Variants in DCC observed in about 807,000 individuals in gnomAD.
DCC encodes the protein netrin receptor DCC.
Under a neutral mutation model 172.5 loss-of-function variants are expected in DCC, and 58 were observed. The ratio of observed to expected loss-of-function variants is 0.34; its 90% confidence interval spans 0.27 to 0.42. The LOEUF is 0.42. Ranked by LOEUF, DCC falls within the 10% of genes least tolerant of loss-of-function variation. DCC has a pLI of 1.00. For synonymous variants in DCC, 709 were observed against 644.5 expected, an observed-to-expected ratio of 1.10 and a Z score of -1.52; for missense variants, 1,740 against 1,791.0, an observed-to-expected ratio of 0.97 and a Z score of 0.51.
chr18:53,205,159 CA>C, intron 9 of DCC, 56 bp from the exon 10 acceptor site: 1 of 1,440,468 alleles, frequency 6.9e-7, no homozygotes, highest in Non-Finnish European at 9.8e-7. Flanking sequence ...GTTTTGAGAA[CA>C]AAAACCCACT....
At chr18:52,718,395 A>G (rs1708312747) in intron 1 of DCC, among the ~76,000 whole-genome samples, 1 of 152,220 alleles carries the variant, frequency 6.6e-6, no homozygotes, top group African/African-American at 2.4e-5. Flanking sequence ...ATTTGGTTTA[A>G]GGATGACAGG....
At chr18:52,789,115 C>A (rs1177858476) in intron 2 of DCC, among the ~76,000 whole-genome samples, 1 of 152,152 alleles carries the variant, frequency 6.6e-6, no homozygotes, top group Non-Finnish European at 1.5e-5. Context: ...ATTCCCCACA[C>A]TAAAGCTCTA....
intron 5 of DCC, among the ~76,000 whole-genome samples, chr18:52,985,625 C>G (rs1250143458): frequency 6.6e-6 from 1 of 152,000 alleles, no homozygotes. Context: ...TCTTTTAACT[C>G]ATTTTTTTCT....
intron 16 of DCC, among the ~76,000 whole-genome samples, chr18:53,387,497 A>C (rs948376367): frequency 6.6e-6 from 1 of 152,238 alleles, no homozygotes; most frequent in Non-Finnish European, 1.5e-5. Context: ...AAAGGGGTTC[A>C]TGACTTCTCT....
chr18:52,968,434 G>A (rs1408506716), intron 5 of DCC, among the ~76,000 whole-genome samples: 1 of 152,090 alleles, frequency 6.6e-6, no homozygotes, highest in East Asian at 1.9e-4. Context: ...GGGTGCAGAG[G>A]GAGCAGCTGT....
intron 2 of DCC, among the ~76,000 whole-genome samples, chr18:52,837,432 C>T (rs908736978): frequency 4.6e-5 from 7 of 152,128 alleles, no homozygotes; most frequent in Non-Finnish European, 1.0e-4. Context: ...CTGCCAGATA[C>T]CCTAAAATCA....
intron 1 of DCC, among the ~76,000 whole-genome samples, chr18:52,743,668 G>T (rs2036860792): frequency 6.6e-6 from 1 of 152,166 alleles, no homozygotes; most frequent in Non-Finnish European, 1.5e-5. Flanking sequence ...AAAAACCTCA[G>T]ATCTCTGCAA....
At chr18:52,654,701 G>T (rs1314587578) in intron 1 of DCC, among the ~76,000 whole-genome samples, 1 of 152,026 alleles carries the variant, frequency 6.6e-6, no homozygotes, top group Non-Finnish European at 1.5e-5. Context: ...CTAGGTACTG[G>T]GGGTTAGGAC....
At chr18:53,340,127 G>A (rs535094105) in intron 15 of DCC, among the ~76,000 whole-genome samples, 5 of 151,774 alleles carry the variant, frequency 3.3e-5, no homozygotes, top group Non-Finnish European at 7.4e-5. Flanking sequence ...TGGGATTTCA[G>A]GAATTTGATC....
chr18:52,596,926 C>T (rs1255843649), intron 1 of DCC, among the ~76,000 whole-genome samples: 1 of 152,140 alleles, frequency 6.6e-6, no homozygotes, highest in East Asian at 1.9e-4. Context: ...GCTTCGCTTT[C>T]CTTGCTTGGA....
intron 25 of DCC, among the ~76,000 whole-genome samples, chr18:53,484,612 G>T (rs1001087705): frequency 6.6e-6 from 1 of 151,976 alleles, no homozygotes; most frequent in African/African-American, 2.4e-5. Context: ...TTTCTGTATG[G>T]TGTGAGATAA....
intron 1 of DCC, among the ~76,000 whole-genome samples, chr18:52,354,828 C>A (rs1425983551): frequency 2.0e-5 from 3 of 152,088 alleles, no homozygotes; most frequent in Non-Finnish European, 4.4e-5. Flanking sequence ...ATTCTGTTTT[C>A]TTTTTCTCTC....
At chr18:52,846,608 AAC>A (rs71175524) in intron 2 of DCC, among the ~76,000 whole-genome samples, 3,179 of 130,508 alleles carry the variant, frequency 0.024, 33 homozygotes, top group East Asian at 0.043. Context: ...TGCCACTCCA[AAC>A]ACACACACAC....
intron 1 of DCC, among the ~76,000 whole-genome samples, chr18:52,527,652 A>G (rs1216875841): frequency 6.6e-6 from 1 of 152,218 alleles, no homozygotes; most frequent in African/African-American, 2.4e-5. Flanking sequence ...CTCATCTCTC[A>G]GTCTGCAGAA....
chr18:53,310,152 A>G (rs763391899), intron 13 of DCC, among the ~76,000 whole-genome samples: 1 of 151,972 alleles, frequency 6.6e-6, no homozygotes, highest in East Asian at 1.9e-4. Context: ...TATGTCTTCA[A>G]TGCTACAAAA....
intron 11 of DCC, among the ~76,000 whole-genome samples, chr18:53,212,481 TG>T (rs1397361307): frequency 6.6e-6 from 1 of 152,096 alleles, no homozygotes; most frequent in Non-Finnish European, 1.5e-5. Flanking sequence ...GAGTAGGAAC[TG>T]ATCACTAAAA....
intron 1 of DCC, among the ~76,000 whole-genome samples, chr18:52,601,754 C>T (rs2144818016): frequency 6.6e-6 from 1 of 152,062 alleles, no homozygotes; most frequent in Middle Eastern, 3.4e-3. Flanking sequence ...GATCTTTTTG[C>T]ATGCCTATAT....
At chr18:52,846,238 G>A (rs1466886142) in intron 2 of DCC, among the ~76,000 whole-genome samples, 1 of 151,964 alleles carries the variant, frequency 6.6e-6, no homozygotes, top group Non-Finnish European at 1.5e-5. Flanking sequence ...AAGAAGTTCT[G>A]AGCCTCAAGG....
At chr18:53,529,426 A>G (rs993214369) in intron 28 of DCC, among the ~76,000 whole-genome samples, 3 of 152,282 alleles carry the variant, frequency 2.0e-5, no homozygotes, top group East Asian at 3.9e-4. Flanking sequence ...CAATCATTTA[A>G]TCAATGGAAT....
Sources: allele counts gnomAD v4.1 joint callset (sites outside exome capture counted in the v4.1 genomes callset), GRCh38; gene constraint gnomAD v4.1.1; transcripts MANE v1.5; gene names NCBI Gene and HGNC (gene_info 2026-07-23, HGNC 2026-07-21).